SPOCK1: variants seen among roughly 807,000 people sequenced by gnomAD.
SPOCK1 encodes the protein testican-1.
Under a neutral mutation model 55.3 loss-of-function variants are expected in SPOCK1, and 23 were observed. The ratio of observed to expected loss-of-function variants is 0.42; its 90% CI spans 0.30 to 0.59. SPOCK1 has a LOEUF of 0.59. Among genes scored for constraint, SPOCK1 ranks in the 20% least tolerant of loss-of-function variants. The pLI, the probability that SPOCK1 is intolerant of heterozygous loss-of-function variation, is 0.22. For missense variants in SPOCK1, 499 were observed against 552.5 expected (o/e 0.90, Z 0.97); for synonymous variants, 226 against 221.0 (o/e 1.02, Z -0.20).
chr5:136,992,414 C>A lies in SPOCK1; in HGVS notation c.706+70G>T, dbSNP rs567434646. On this transcript the variant is annotated intron_variant, in intron 7 of 10. Coordinates refer to ENST00000394945, the MANE Select transcript of SPOCK1 (RefSeq NM_004598.4). The stretch of plus-strand genomic sequence containing the variant: ...TAATGTAATGGGTGTTTTTCACCCC[C>A]AAATGATATTGCTAACCCTAAATCA... 1.6e-5 allele frequency: 19 copies of A among 1,195,114 alleles called. No individual in the cohort carries two copies. In the African/African-American group the frequency reaches 2.6e-4, roughly 17 times the overall value. 74.0% of individuals were successfully genotyped at this position (1,195,114 alleles called of 1,614,324 possible).
At chr5:137,088,407 G>T (rs1485360837) in intron 5 of SPOCK1, among the ~76,000 whole-genome samples, 3 of 152,170 alleles carry the variant, frequency 2.0e-5, no homozygotes, top group African/African-American at 7.2e-5. Flanking sequence ...AAAGACGAAC[G>T]ATGTCTATCT....
At chr5:137,419,865 T>G (rs527692406) in intron 2 of SPOCK1, among the ~76,000 whole-genome samples, 1 of 152,210 alleles carries the variant, frequency 6.6e-6, no homozygotes, top group Non-Finnish European at 1.5e-5. Context: ...AGAGAGGGCA[T>G]CCCTGTCTTG....
rs188319895 is a variant in SPOCK1 at position 137,327,027 on chromosome 5, C to T, written c.187-59972G>A. ...AAACAAACAAACAAACAAAAATGTT[C>T]ATTCATCAGTGACTTAAACAGAACT... On this transcript the variant is annotated intron_variant, in intron 2 of 10. Transcript: ENST00000394945. 3.3e-3 allele frequency among the ~76,000 whole-genome samples: 501 copies of T among 152,296 alleles called. 6 individuals carry two copies. The highest frequency in any genetic ancestry group is 5.8e-3 in the Non-Finnish European group (396 of 68,010).
chr5:137,121,649 T>TAATTATATATAATATATAA (rs1753686155), intron 4 of SPOCK1, among the ~76,000 whole-genome samples: 2 of 146,750 alleles, frequency 1.4e-5, no homozygotes, highest in African/African-American at 4.9e-5. Context: ...ATAGTGACAT[T>TAATTATATATAATATATAA]AATTATATAT....
intron 2 of SPOCK1, among the ~76,000 whole-genome samples, chr5:137,474,024 T>C (rs193012614): frequency 7.2e-4 from 110 of 152,294 alleles, no homozygotes; most frequent in African/African-American, 2.5e-3. Context: ...CTCACTGATA[T>C]GTGGGAGCTA....
intron 2 of SPOCK1, among the ~76,000 whole-genome samples, chr5:137,426,236 T>C (rs1752608987): frequency 6.6e-6 from 1 of 152,232 alleles, no homozygotes; most frequent in African/African-American, 2.4e-5. Context: ...TTGCTGTTAT[T>C]TGACTGTTGC....
At chr5:137,113,618 A>C (rs1034399462) in intron 4 of SPOCK1, among the ~76,000 whole-genome samples, 1 of 152,226 alleles carries the variant, frequency 6.6e-6, no homozygotes, top group Non-Finnish European at 1.5e-5. Flanking sequence ...AATAGAATTG[A>C]CTTCAAGTGG....
At chr5:137,085,159 GA>G (rs1752940812) in intron 5 of SPOCK1, among the ~76,000 whole-genome samples, 1 of 152,146 alleles carries the variant, frequency 6.6e-6, no homozygotes, top group African/African-American at 2.4e-5. Context: ...CTCAGGGTCG[GA>G]GGGTTCCCTA....
intron 5 of SPOCK1, among the ~76,000 whole-genome samples, chr5:137,069,447 T>C (rs931458079): frequency 6.6e-6 from 1 of 152,138 alleles, no homozygotes; most frequent in Non-Finnish European, 1.5e-5. Context: ...TCAACTGAGC[T>C]GATGAAGCAA....
intron 5 of SPOCK1, among the ~76,000 whole-genome samples, chr5:137,073,228 T>G (rs894753866): frequency 1.3e-5 from 2 of 152,192 alleles, no homozygotes; most frequent in African/African-American, 4.8e-5. Context: ...CCTGTTTCCA[T>G]GAAGTTCACA....
intron 2 of SPOCK1, among the ~76,000 whole-genome samples, chr5:137,327,250 C>T (rs1475831899): frequency 6.6e-6 from 1 of 152,170 alleles, no homozygotes; most frequent in Non-Finnish European, 1.5e-5. Flanking sequence ...ATGCTGCCTT[C>T]CCCATAGTAA....
At chr5:137,366,329 A>C (rs116360130) in intron 2 of SPOCK1, among the ~76,000 whole-genome samples, 4,017 of 151,106 alleles carry the variant, frequency 0.027, 89 homozygotes, top group South Asian at 0.045. Flanking sequence ...TAATACCAAA[A>C]ATAGCTACCA....
intron 2 of SPOCK1, among the ~76,000 whole-genome samples, chr5:137,377,022 C>A (rs1411591973): frequency 6.6e-6 from 1 of 152,192 alleles, no homozygotes; most frequent in Non-Finnish European, 1.5e-5. Flanking sequence ...AAGGTCTGGG[C>A]TCTCATTGCT....
chr5:137,221,644 G>A (rs959414310), intron 3 of SPOCK1, among the ~76,000 whole-genome samples: 1 of 152,156 alleles, frequency 6.6e-6, no homozygotes, highest in Non-Finnish European at 1.5e-5. Context: ...TTACAGCCAT[G>A]AGGGTCCAAA....
chr5:137,155,700 T>A (rs768520145), intron 3 of SPOCK1, among the ~76,000 whole-genome samples: 1 of 152,234 alleles, frequency 6.6e-6, no homozygotes, highest in Non-Finnish European at 1.5e-5. Context: ...TGTGTCTCTG[T>A]GTAATTCAAA....
rs1365260191 is a variant in SPOCK1 at position 137,120,247 on chromosome 5, T to C, written c.348-7686A>G. ...AGGCCCCAGAAGAAGTAGAGAGCCA[T>C]CATCCCAGGGCATGCTTTCCAAACC... On this transcript the variant is annotated intron_variant, in intron 4 of 10. Coordinates refer to ENST00000394945, the MANE Select transcript of SPOCK1 (RefSeq NM_004598.4). 2.0e-5 allele frequency among the ~76,000 whole-genome samples: 3 copies of C among 152,178 alleles called. No individual in the cohort carries two copies. In the South Asian group the frequency reaches 6.2e-4, roughly 32 times the overall value.
At chr5:137,458,550 T>C (rs1363386829) in intron 2 of SPOCK1, among the ~76,000 whole-genome samples, 1 of 152,210 alleles carries the variant, frequency 6.6e-6, no homozygotes, top group Non-Finnish European at 1.5e-5. Flanking sequence ...CAAGCTTTTA[T>C]GGTAAGATAT....
At chr5:137,425,747 A>G (rs148935909) in intron 2 of SPOCK1, among the ~76,000 whole-genome samples, 11 of 152,332 alleles carry the variant, frequency 7.2e-5, no homozygotes, top group African/African-American at 1.9e-4. Flanking sequence ...TTGAGTGTCA[A>G]TTTTACATGG....
At chr5:137,060,490 G>A (rs1031340235) in intron 6 of SPOCK1, among the ~76,000 whole-genome samples, 11 of 152,110 alleles carry the variant, frequency 7.2e-5, no homozygotes, top group African/African-American at 1.9e-4. Context: ...AAAAATTACC[G>A]ATTGGGTATG....
Sources: allele counts gnomAD v4.1 joint callset (sites outside exome capture counted in the v4.1 genomes callset), GRCh38; gene constraint gnomAD v4.1.1; transcripts MANE v1.5; gene names NCBI Gene and HGNC (gene_info 2026-07-23, HGNC 2026-07-21).